Variants in JHY observed in about 807,000 individuals in gnomAD.
JHY encodes the protein jhy protein homolog.
JHY carries 69 observed loss-of-function variants against 78.0 expected under a neutral mutation model. The observed-to-expected ratio is 0.88, with a 90% CI of 0.73 to 1.08. JHY has a LOEUF of 1.08. JHY is among the 50% of genes least tolerant of loss of function. The pLI is 0.00. For synonymous variants in JHY, 368 were observed against 342.6 expected (o/e 1.07, Z -0.82); for missense variants, 944 against 927.8 (o/e 1.02, Z -0.23).
Position 122,912,005 on chromosome 11 carries a change from G to T in JHY, c.864+7561G>T, listed in dbSNP as rs183114553. 3.9e-3 allele frequency among the ~76,000 whole-genome samples: 587 copies of T among 151,510 alleles called. 2 individuals are homozygous for T. Among genetic ancestry groups the T allele is most frequent in the Non-Finnish European group, 6.4e-3 (432 of 67,870 alleles). On this transcript the variant is annotated intron_variant, in intron 3 of 8. Transcript: ENST00000227349. Reference sequence around the variant, plus strand: ...TGATGACTTTAATAAGTAAACTGGGGGTTGGGCATGGTGGCTCATGCCTGT... The same window carrying T: ...TGATGACTTTAATAAGTAAACTGGGTGTTGGGCATGGTGGCTCATGCCTGT...
At chr11:122,911,639 C>T (rs1863127175) in intron 3 of JHY, among the ~76,000 whole-genome samples, 1 of 151,812 alleles carries the variant, frequency 6.6e-6, no homozygotes, top group South Asian at 2.1e-4. Flanking sequence ...AGCGTGGTGG[C>T]TCACTCCTAT....
At chr11:122,893,856 T>C (rs1284274503) in intron 2 of JHY, among the ~76,000 whole-genome samples, 1 of 152,180 alleles carries the variant, frequency 6.6e-6, no homozygotes, top group Non-Finnish European at 1.5e-5. Flanking sequence ...ATTCCCTTTA[T>C]TTATTGTACA....
In JHY at chr11:122,904,189, T is replaced by C. The variant is rs761561122; in HGVS notation, c.609T>C (p.Gly203=). The C allele has an allele frequency of 6.8e-6, 11 of 1,614,022 alleles. No homozygotes were observed. The South Asian group carries it at 1.1e-4, about 16-fold the overall frequency. ...SEFLSPNYEH[G]ARRSKPFSEL... is the part of the protein sequence containing the mutation. ...TTTTAAGCCCAAACTATGAGCATGG[T>C]GCCCGTCGCAGCAAGCCGTTTTCAG... The change falls in exon 3 of 9, where the codon GGT becomes GGC. Residue 203 remains glycine (G), a synonymous_variant. Transcript: ENST00000227349.
At chr11:122,936,172 A>G (rs538500580) in intron 5 of JHY, among the ~76,000 whole-genome samples, 1 of 152,326 alleles carries the variant, frequency 6.6e-6, no homozygotes, top group Non-Finnish European at 1.5e-5. Flanking sequence ...GTGTTCTTCG[A>G]TCAAACGTCC....
intron 6 of JHY, among the ~76,000 whole-genome samples, chr11:122,948,455 T>TC (rs1213506148): frequency 1.8e-4 from 26 of 145,294 alleles, no homozygotes; most frequent in African/African-American, 6.8e-4. Context: ...ATAATAATAA[T>TC]AATAATAATA....
intron 2 of JHY, among the ~76,000 whole-genome samples, chr11:122,902,448 G>C (rs1862881693): frequency 6.6e-6 from 1 of 151,902 alleles, no homozygotes; most frequent in Non-Finnish European, 1.5e-5. Context: ...CTGAGTGATA[G>C]AGCAAGACTT....
At chr11:122,923,717 A>ATC (rs1863427371) in intron 3 of JHY, among the ~76,000 whole-genome samples, 1 of 150,830 alleles carries the variant, frequency 6.6e-6, no homozygotes, top group African/African-American at 2.4e-5. Flanking sequence ...TTATCTATTT[A>ATC]TATTTATTTA....
intron 2 of JHY, among the ~76,000 whole-genome samples, chr11:122,899,926 C>G (rs1328518785): frequency 6.6e-6 from 1 of 152,208 alleles, no homozygotes; most frequent in Non-Finnish European, 1.5e-5. Context: ...ACCCCATGTC[C>G]CATATCCCTG....
In JHY at chr11:122,934,586, A is replaced by G; in HGVS notation, c.1145A>G (p.Glu382Gly). ...HQNGLKSSTTEEVTASQGNQN... is the reference protein window; with the variant it reads ...HQNGLKSSTTGEVTASQGNQN... ...AATGGCCTGAAGTCTTCCACAACGG[A>G]AGAGGTGACTGCCAGTCAGGGGAAC... Residue 382 changes from glutamate (E) to glycine (G), a missense_variant, in exon 5 of 9, where the codon GAA becomes GGA. Glu to Gly is a moderately conservative substitution (Grantham distance 98). Coordinates refer to ENST00000227349, the MANE Select transcript of JHY (RefSeq NM_024806.4). 1.2e-6 allele frequency: 2 copies of G among 1,614,128 alleles called. No homozygotes were observed. Among genetic ancestry groups the G allele is most frequent in the Non-Finnish European group, 1.7e-6 (2 of 1,180,028 alleles).
chr11:122,917,498 G>A lies in JHY; in HGVS notation c.865-7399G>A, dbSNP rs1261894566. Among the ~76,000 whole-genome samples, 7 of 152,212 alleles carry A rather than the reference G, an allele frequency of 4.6e-5. No homozygotes were observed. Among genetic ancestry groups the A allele is most frequent in the African/African-American group, 1.7e-4 (7 of 41,450 alleles). ...CATCACCTGGGAACTTAACACAAGT[G>A]GAAATTCTTGGGCCCCATGCCAGAC... is the stretch of plus-strand genomic sequence containing the variant. On this transcript the variant is annotated intron_variant, in intron 3 of 8. Coordinates refer to ENST00000227349, the MANE Select transcript of JHY (RefSeq NM_024806.4). This position sits in a 1 kb window ranked among gnomAD's most constrained non-coding sequence, Gnocchi z 4.1.
chr11:122,903,958 C>T lies in JHY; in HGVS notation c.378C>T (p.Leu126=). 3 of 1,607,932 alleles carry T rather than the reference C, an allele frequency of 1.9e-6. No homozygotes were observed. Among genetic ancestry groups the T allele is most frequent in the African/African-American group, 2.7e-5 (2 of 74,810 alleles). The change falls in exon 3 of 9, where the codon CTC becomes CTT. Residue 126 remains leucine (L), a synonymous_variant. Coordinates refer to ENST00000227349, the MANE Select transcript of JHY (RefSeq NM_024806.4). ...QQPIEDKYSD[L]RYDPNWKSKK... is the part of the protein sequence containing the mutation. ...CAATAGAAGACAAATATTCAGACCT[C>T]CGCTATGACCCGAACTGGAAGAGTA...
intron 6 of JHY, among the ~76,000 whole-genome samples, chr11:122,956,218 C>T (rs1864187344): frequency 6.6e-6 from 1 of 151,674 alleles, no homozygotes; most frequent in African/African-American, 2.4e-5. Flanking sequence ...AGCTTGAAAA[C>T]TTTTATTTGT....
chr11:122,945,226 G>C (rs1863940663), intron 5 of JHY, among the ~76,000 whole-genome samples: 1 of 152,102 alleles, frequency 6.6e-6, no homozygotes, highest in Non-Finnish European at 1.5e-5. Flanking sequence ...AAGTTTTCCA[G>C]TGTAATAAAT....
intron 3 of JHY, among the ~76,000 whole-genome samples, chr11:122,912,290 A>AG (rs1285988954): frequency 4.6e-4 from 70 of 151,584 alleles, no homozygotes; most frequent in African/African-American, 1.6e-3. Context: ...CCATCTCAAA[A>AG]AAAAAAAAAA....
At chr11:122,939,278 A>G (rs892983954) in intron 5 of JHY, among the ~76,000 whole-genome samples, 2 of 151,854 alleles carry the variant, frequency 1.3e-5, no homozygotes, top group African/African-American at 4.8e-5. Context: ...GAGCCACCGC[A>G]CCCAACCCTG....
chr11:122,909,693 C>T (rs962558449), intron 3 of JHY, among the ~76,000 whole-genome samples: 5 of 151,892 alleles, frequency 3.3e-5, no homozygotes, highest in African/African-American at 4.8e-5. Flanking sequence ...GCAGGAGAAT[C>T]ATTTGAACCC....
intron 3 of JHY, among the ~76,000 whole-genome samples, chr11:122,924,495 T>C (rs1202502897): frequency 6.6e-6 from 1 of 152,204 alleles, no homozygotes; most frequent in East Asian, 1.9e-4. Context: ...GAGCATTCCA[T>C]GTGTAGAAAA....
At chr11:122,930,183 C>T (rs1248191690) in intron 4 of JHY, among the ~76,000 whole-genome samples, 1 of 152,174 alleles carries the variant, frequency 6.6e-6, no homozygotes, top group African/African-American at 2.4e-5. Flanking sequence ...CAGGTGCAAG[C>T]GATTCTCCTG....
intron 2 of JHY, among the ~76,000 whole-genome samples, chr11:122,902,255 A>G (rs1199224041): frequency 6.6e-6 from 1 of 152,020 alleles, no homozygotes; most frequent in East Asian, 1.9e-4. Context: ...CCAGGAGGTC[A>G]AGATCAGCCT....
Sources: gnomAD v4.1 joint callset for allele counts (sites outside exome capture counted in the v4.1 genomes callset) on GRCh38, gnomAD v4.1.1 for gene constraint, Gnocchi (gnomAD v3.1) non-coding constraint, MANE v1.5 for transcripts, NCBI Gene and HGNC (gene_info 2026-07-23, HGNC 2026-07-21) for gene names.